XKR4: variants seen among roughly 807,000 people sequenced by gnomAD.
The protein encoded by XKR4 is XK related 4.
Under a neutral mutation model 53.9 loss-of-function variants are expected in XKR4, and 12 were observed. The observed-to-expected ratio is 0.22, with a 90% confidence interval of 0.14 to 0.36. The LOEUF is 0.36. XKR4 is among the 10% of genes least tolerant of loss of function. The probability of loss-of-function intolerance (pLI) is 1.00; values close to 1 mark genes in which losing one functional copy is unlikely to be tolerated. For synonymous variants in XKR4, 354 were observed against 362.4 expected (o/e 0.98, Z 0.26); for missense variants, 799 against 859.5 (o/e 0.93, Z 0.88).
intron 2 of XKR4, chr8:55,451,073 G>T: frequency 1.9e-6 from 1 of 520,162 alleles, no homozygotes. Flanking sequence ...ACTGCTGCAA[G>T]GGGTCCGGCC....
At chr8:55,514,624 G>A (rs1806684952) in intron 2 of XKR4, among the ~76,000 whole-genome samples, 1 of 151,946 alleles carries the variant, frequency 6.6e-6, no homozygotes, top group Admixed American at 6.6e-5. Context: ...CTCCATCCGT[G>A]TTTCCCTCTT....
rs1414192429 is a variant in XKR4, at chr8:55,535,401, G to A, written c.*11174G>A. On this transcript the variant is annotated 3_prime_UTR_variant, in exon 3 of 3. Coordinates refer to ENST00000327381, the MANE Select transcript of XKR4 (RefSeq NM_052898.2). ...CTCCCCCCACCCCACAACACTCCCC[G>A]GTGTGTGATGTTCCCCTTCCTGTGC... 12 of 99,044 alleles carry A rather than the reference G, an allele frequency of 1.2e-4. No homozygotes were observed. The highest frequency in any genetic ancestry group is 1.9e-4 in the Non-Finnish European group (10 of 52,572). 6.1% of individuals were successfully genotyped at this position (99,044 alleles called of 1,614,324 possible). A position where few individuals can be genotyped will look rare whatever the true frequency, so the allele number is the denominator to read the frequency against.
chr8:55,173,778 C>T (rs1384626325), intron 1 of XKR4, among the ~76,000 whole-genome samples: 2 of 152,182 alleles, frequency 1.3e-5, no homozygotes, highest in Non-Finnish European at 2.9e-5. Context: ...TTACTTATCT[C>T]CAGCATCAAA....
Position 55,532,230 on chromosome 8 carries a change from A to G in XKR4, c.*8003A>G, listed in dbSNP as rs2129406770. On this transcript the variant is annotated 3_prime_UTR_variant, in exon 3 of 3. Coordinates refer to ENST00000327381, the MANE Select transcript of XKR4 (RefSeq NM_052898.2). The stretch of plus-strand genomic sequence containing the variant: ...TATGCATTAATAAAAGAGTTGACCT[A>G]ATAAATGTTACAAGGTACCATGATC... The G allele has an allele frequency of 6.6e-6, 1 of 152,312 alleles. No homozygotes were observed. The highest frequency in any genetic ancestry group is 2.4e-5 in the African/African-American group (1 of 41,568). The allele number at this position is 152,312 out of a possible 1,614,324, so 9.4% of individuals were successfully genotyped here. A position where few individuals can be genotyped will look rare whatever the true frequency, so the allele number is the denominator to read the frequency against.
chr8:55,301,288 T>C (rs977974409), intron 1 of XKR4, among the ~76,000 whole-genome samples: 58 of 152,014 alleles, frequency 3.8e-4, no homozygotes, highest in Middle Eastern at 3.4e-3. Flanking sequence ...GAATGATGGT[T>C]TCCAGCTTCA....
At chr8:55,164,485 C>T (rs1202642385) in intron 1 of XKR4, 1 of 455,444 alleles carries the variant, frequency 2.2e-6, no homozygotes, top group Non-Finnish European at 4.4e-6. Context: ...TTCTCCACAG[C>T]TGCAAGCTCA....
At chr8:55,291,966 C>T (rs1475060218) in intron 1 of XKR4, among the ~76,000 whole-genome samples, 1 of 151,580 alleles carries the variant, frequency 6.6e-6, no homozygotes, top group African/African-American at 2.4e-5. Context: ...CCTTCATGGC[C>T]TATTAAGGTG....
chr8:55,402,933 C>A (rs915575657), intron 2 of XKR4, among the ~76,000 whole-genome samples: 6 of 152,204 alleles, frequency 3.9e-5, no homozygotes, highest in African/African-American at 1.4e-4. Context: ...AAACAGACCT[C>A]TTTCAGCTCC....
chr8:55,524,031 G>A lies in XKR4; in HGVS notation c.1757G>A (p.Arg586His), dbSNP rs376937606. The change falls in exon 3 of 3, where the codon CGC (arginine) becomes CAC (histidine). Residue 586 changes from arginine to histidine, a missense_variant. Arg to His is a conservative substitution (Grantham distance 29). Transcript: ENST00000327381. ...RPTAPSTPSS[R>H]PPRIEESVIK... ...ACTGCCCCATCCACCCCATCATCTC[G>A]CCCACCACGGATTGAAGAATCAGTC... 3 of 1,614,088 alleles carry A rather than the reference G, an allele frequency of 1.9e-6. No homozygotes were observed. Among genetic ancestry groups the A allele is most frequent in the Non-Finnish European group, 2.5e-6 (3 of 1,180,028 alleles).
intron 2 of XKR4, among the ~76,000 whole-genome samples, chr8:55,508,110 A>AT (rs1806571716): frequency 6.6e-6 from 1 of 152,112 alleles, no homozygotes; most frequent in African/African-American, 2.4e-5. Context: ...TAGCATACAA[A>AT]TTCCTAATTG....
chr8:55,338,973 G>A (rs1043314715), intron 1 of XKR4, among the ~76,000 whole-genome samples: 1 of 152,146 alleles, frequency 6.6e-6, no homozygotes, highest in African/African-American at 2.4e-5. Flanking sequence ...TTTGGTGTTA[G>A]GACTCACAGC....
chr8:55,237,311 G>A (rs144074063), intron 1 of XKR4, among the ~76,000 whole-genome samples: 15 of 152,284 alleles, frequency 9.9e-5, no homozygotes, highest in Admixed American at 2.6e-4. Flanking sequence ...ATAGCTTACT[G>A]TTGATTAGAA....
At chr8:55,422,661 G>A (rs1804951662) in intron 2 of XKR4, among the ~76,000 whole-genome samples, 1 of 152,198 alleles carries the variant, frequency 6.6e-6, no homozygotes, top group Non-Finnish European at 1.5e-5. Context: ...AATGCCAGAC[G>A]GGTGGTTTAT....
At chr8:55,370,760 T>C (rs566436327) in intron 2 of XKR4, among the ~76,000 whole-genome samples, 2 of 152,220 alleles carry the variant, frequency 1.3e-5, no homozygotes, top group South Asian at 4.2e-4. Context: ...GCTGGAAAAT[T>C]CCGTCGAGAT....
chr8:55,393,402 AGAAGGAAGGAAGGAAG>A (rs36208673), intron 2 of XKR4, among the ~76,000 whole-genome samples: 5,490 of 144,912 alleles, frequency 0.038, 137 homozygotes, highest in South Asian at 0.067. Context: ...ATACTTCTTA[AGAAGGAAGGAAGGAAG>A]GAAGGAAGGA....
intron 1 of XKR4, among the ~76,000 whole-genome samples, chr8:55,150,576 C>T (rs1292415493): frequency 2.0e-5 from 3 of 152,180 alleles, no homozygotes; most frequent in South Asian, 4.1e-4. Context: ...GCCCTCTGCT[C>T]CCTATAACTG....
In XKR4 at chr8:55,390,831, T is replaced by TGA. The variant is rs1185528757; in HGVS notation, c.1006+32961_1006+32962dup. Among the ~76,000 whole-genome samples the TGA allele has an allele frequency of 9.2e-5, 14 of 152,314 alleles. No individual in the cohort carries two copies. The East Asian group carries it at 2.3e-3, about 25-fold the overall frequency. The stretch of plus-strand genomic sequence containing the variant: ...AAGTGCACTGGGAGATTTACTTACC[T>TGA]GAGAGAGACCCAGAATATAGTTTTA... On this transcript the variant is annotated intron_variant, in intron 2 of 2. Coordinates refer to ENST00000327381, the MANE Select transcript of XKR4 (RefSeq NM_052898.2).
chr8:55,178,824 C>T (rs1002120565), intron 1 of XKR4, among the ~76,000 whole-genome samples: 1 of 152,204 alleles, frequency 6.6e-6, no homozygotes, highest in Non-Finnish European at 1.5e-5. Flanking sequence ...CCCGCTTATA[C>T]GTCCTATCTT....
chr8:55,111,049 T>G (rs924358561), intron 1 of XKR4, among the ~76,000 whole-genome samples: 1 of 152,136 alleles, frequency 6.6e-6, no homozygotes, highest in Non-Finnish European at 1.5e-5. Context: ...AGTTAGAATG[T>G]CAGTGATAAA....
Sources: allele counts gnomAD v4.1 joint callset (sites outside exome capture counted in the v4.1 genomes callset), GRCh38; gene constraint gnomAD v4.1.1; transcripts MANE v1.5; gene names NCBI Gene and HGNC (gene_info 2026-07-23, HGNC 2026-07-21).